The following XKR6 variants were observed in gnomAD, a reference collection of about 807,000 sequenced individuals.
XKR6 encodes XK related 6.
A neutral mutation model predicts 56.7 loss-of-function variants in XKR6; 22 were observed. The ratio of observed to expected loss-of-function variants is 0.39; its 90% CI spans 0.28 to 0.55. The LOEUF (loss-of-function observed/expected upper bound fraction) is 0.55. XKR6 is among the 20% of genes least tolerant of loss of function. XKR6 has a pLI of 0.66. For synonymous variants in XKR6, 524 were observed against 387.8 expected (o/e 1.35, Z -4.13); for missense variants, 852 against 889.0 (o/e 0.96, Z 0.53).
intron 1 of XKR6, among the ~76,000 whole-genome samples, chr8:11,197,178 T>C (rs562136651): frequency 3.3e-5 from 5 of 152,306 alleles, no homozygotes; most frequent in Non-Finnish European, 7.3e-5. Flanking sequence ...TGGCAAGTGG[T>C]ATAAACAAGT....
At chr8:10,967,152 C>A (rs1402796461) in intron 1 of XKR6, among the ~76,000 whole-genome samples, 1 of 152,222 alleles carries the variant, frequency 6.6e-6, no homozygotes, top group Admixed American at 6.5e-5. Flanking sequence ...AGAGACCCCT[C>A]CTGCCCATAC....
At chr8:11,137,961 TTCTC>T (rs1340184108) in intron 1 of XKR6, 1 of 342,788 alleles carries the variant, frequency 2.9e-6, no homozygotes, top group African/African-American at 2.2e-5. Context: ...ACCAGGCTCA[TTCTC>T]TCTAATGCCC....
intron 1 of XKR6, among the ~76,000 whole-genome samples, chr8:11,131,436 G>C (rs1158856400): frequency 6.6e-6 from 1 of 152,098 alleles, no homozygotes; most frequent in Non-Finnish European, 1.5e-5. Context: ...CTTTATTTAT[G>C]ATGTTAAAGA....
At chr8:11,128,432 G>A (rs1799936480) in intron 1 of XKR6, among the ~76,000 whole-genome samples, 1 of 152,134 alleles carries the variant, frequency 6.6e-6, no homozygotes. Flanking sequence ...CATCACAACT[G>A]CCTATTTGAT....
chr8:10,931,887 T>A (rs1160774986), intron 1 of XKR6, among the ~76,000 whole-genome samples: 1 of 151,836 alleles, frequency 6.6e-6, no homozygotes, highest in Non-Finnish European at 1.5e-5. Context: ...TGAATGACAT[T>A]GTTAAGAGAA....
At chr8:11,152,541 G>C in intron 1 of XKR6, among the ~76,000 whole-genome samples, 1 of 152,182 alleles carries the variant, frequency 6.6e-6, no homozygotes, top group Non-Finnish European at 1.5e-5. Flanking sequence ...GTTCCTATCA[G>C]GATGAGATGT....
chr8:11,168,456 C>T (rs1483638437), intron 1 of XKR6, among the ~76,000 whole-genome samples: 1 of 152,080 alleles, frequency 6.6e-6, no homozygotes, highest in Non-Finnish European at 1.5e-5. Flanking sequence ...TAATAGACTT[C>T]AATACATCCT....
chr8:11,103,011 C>T (rs906548753), intron 1 of XKR6, among the ~76,000 whole-genome samples: 3 of 152,174 alleles, frequency 2.0e-5, no homozygotes, highest in African/African-American at 7.2e-5. Context: ...TTTTACTCCA[C>T]TCAGACCAAA....
intron 1 of XKR6, among the ~76,000 whole-genome samples, chr8:10,996,934 A>C (rs1798126613): frequency 6.6e-6 from 1 of 152,108 alleles, no homozygotes; most frequent in African/African-American, 2.4e-5. Flanking sequence ...GCTCCACTGC[A>C]CTCCAGCCTG....
At chr8:10,958,345 T>C (rs992530261) in intron 1 of XKR6, among the ~76,000 whole-genome samples, 8 of 152,194 alleles carry the variant, frequency 5.3e-5, no homozygotes, top group South Asian at 2.1e-4. Context: ...CCGGCACTAA[T>C]GCGATTATGG....
chr8:11,198,088 C>A (rs11989439), intron 1 of XKR6, among the ~76,000 whole-genome samples: 66,270 of 151,984 alleles, frequency 0.44, 15,181 homozygotes, highest in Middle Eastern at 0.52. Flanking sequence ...ATGTTTAAGG[C>A]AACAACTATA....
chr8:10,941,184 G>A lies in XKR6; in HGVS notation c.765-16354C>T, dbSNP rs577099462. 1.1e-4 allele frequency among the ~76,000 whole-genome samples: 16 copies of A among 152,012 alleles called. No homozygotes were observed. In the East Asian group the frequency reaches 2.5e-3, roughly 24 times the overall value. ...CTACCCTCTCTCCTGTCCTTCCTCC[G>A]GGTTCACAGCCTCCTCCCACCGACA... is the stretch of plus-strand genomic sequence containing the variant. On this transcript the variant is annotated intron_variant, in intron 1 of 2. Coordinates refer to ENST00000416569, the MANE Select transcript of XKR6 (RefSeq NM_173683.4).
At chr8:11,104,950 G>A (rs542605361) in intron 1 of XKR6, 21 of 152,244 alleles carry the variant, frequency 1.4e-4, no homozygotes, top group Non-Finnish European at 2.1e-4. Flanking sequence ...TCAGTCAAGC[G>A]TTGGTTGAAA....
In XKR6 at chr8:10,898,870, G is replaced by C; in HGVS notation, c.1008C>G (p.Ala336=). 6.2e-7 allele frequency: 1 copy of C among 1,613,490 alleles called. No homozygotes were observed. The highest frequency in any genetic ancestry group is 8.5e-7 in the Non-Finnish European group (1 of 1,179,624). Residue 336 remains alanine (A), a synonymous_variant, in exon 3 of 3, where the codon GCC becomes GCG. Transcript: ENST00000416569. This position sits in a 1 kb window ranked among gnomAD's most constrained non-coding sequence, Gnocchi z 6.6. The part of the protein sequence containing the change: ...TSLMSLAWVL[A]SYHKLLRDSR... ...AGTCCCGCAGCAGCTTGTGATAGGA[G>C]GCTAGCACCCAAGCCAGGGACATCA... is the stretch of plus-strand genomic sequence containing the variant.
chr8:11,001,058 G>C (rs369076111), intron 1 of XKR6, among the ~76,000 whole-genome samples: 1 of 152,206 alleles, frequency 6.6e-6, no homozygotes, highest in Non-Finnish European at 1.5e-5. Flanking sequence ...ATTTAGGAGC[G>C]AAAATGCAGA....
intron 1 of XKR6, among the ~76,000 whole-genome samples, chr8:11,016,836 C>T (rs1798636345): frequency 6.6e-6 from 1 of 152,250 alleles, no homozygotes; most frequent in Non-Finnish European, 1.5e-5. Flanking sequence ...GGCCTCTCCT[C>T]TTCTGTTTTT....
At position 11,200,450 on chromosome 8, in the gene XKR6, C is replaced by A; in HGVS notation, c.764+126G>T. The stretch of plus-strand genomic sequence containing the variant: ...GGTCTTTTGGAGACGCCAGGGGCGG[C>A]GCGCGGCCGGTCCCTCCTTCGAGCC... On this transcript the variant is annotated intron_variant, in intron 1 of 2. Coordinates refer to ENST00000416569, the MANE Select transcript of XKR6 (RefSeq NM_173683.4). The surrounding 1 kb of genome is among the most constrained non-coding windows in gnomAD (Gnocchi z 6.4). 8.2e-7 allele frequency: 1 copy of A among 1,220,262 alleles called. No homozygotes were observed. The highest frequency in any genetic ancestry group is 1.1e-6 in the Non-Finnish European group (1 of 949,546). 75.6% of individuals were successfully genotyped at this position (1,220,262 alleles called of 1,614,324 possible).
Position 10,947,466 on chromosome 8 carries a change from G to A in XKR6, c.765-22636C>T, listed in dbSNP as rs549492517. On this transcript the variant is annotated intron_variant, in intron 1 of 2. Transcript: ENST00000416569. ...ATGGTTGGGGTCACCCTGGGGGATC[G>A]AGGGAGAGCAGCCCAGGATGGAGCC... Among the ~76,000 whole-genome samples, 11 of 152,206 alleles carry A rather than the reference G, an allele frequency of 7.2e-5. No homozygotes were observed. The East Asian group carries it at 9.7e-4, about 13-fold the overall frequency.
intron 1 of XKR6, among the ~76,000 whole-genome samples, chr8:11,058,402 T>G (rs137991043): frequency 6.6e-6 from 1 of 152,180 alleles, no homozygotes; most frequent in Non-Finnish European, 1.5e-5. Flanking sequence ...CTATTTACAA[T>G]AGCAAAGGCT....
Sources: allele counts gnomAD v4.1 joint callset (sites outside exome capture counted in the v4.1 genomes callset), GRCh38; gene constraint gnomAD v4.1.1; non-coding constraint Gnocchi (gnomAD v3.1); transcripts MANE v1.5; gene names NCBI Gene and HGNC (gene_info 2026-07-23, HGNC 2026-07-21).